PTN: variants seen among roughly 807,000 people sequenced by gnomAD.
PTN encodes pleiotrophin.
PTN carries 18 observed loss-of-function variants against 24.1 expected under a neutral mutation model. That is an observed-to-expected ratio of 0.75 (90% CI 0.52 to 1.11). The LOEUF (loss-of-function observed/expected upper bound fraction) is 1.11. Ranked by LOEUF, PTN falls within the 50% of genes least tolerant of loss-of-function variation. PTN has a pLI of 0.00. For missense variants in PTN, 163 were observed against 198.8 expected, an observed-to-expected ratio of 0.82 and a Z score of 1.08; for synonymous variants, 78 against 68.6, an observed-to-expected ratio of 1.14 and a Z score of -0.67.
intron 1 of PTN, among the ~76,000 whole-genome samples, chr7:137,298,361 G>A (rs1289151287): frequency 6.6e-6 from 1 of 151,816 alleles, no homozygotes; most frequent in Non-Finnish European, 1.5e-5. Flanking sequence ...ATATTAAACA[G>A]AAAAATGACT....
chr7:137,336,552 T>C (rs1349379241), intron 1 of PTN, among the ~76,000 whole-genome samples: 1 of 152,160 alleles, frequency 6.6e-6, no homozygotes, highest in African/African-American at 2.4e-5. Flanking sequence ...GCCTTGAGCA[T>C]GATCACATGC....
chr7:137,233,247 T>G (rs921782322), intron 4 of PTN, among the ~76,000 whole-genome samples: 4 of 151,994 alleles, frequency 2.6e-5, no homozygotes, highest in African/African-American at 7.2e-5. Flanking sequence ...AACTAAGCCC[T>G]AATCTAGAGA....
chr7:137,295,267 A>C (rs571092087), intron 1 of PTN, among the ~76,000 whole-genome samples: 1 of 152,334 alleles, frequency 6.6e-6, no homozygotes, highest in African/African-American at 2.4e-5. Context: ...CTTGAAGTAT[A>C]GTAGATATTA....
intron 1 of PTN, chr7:137,325,720 T>C (rs983323914): frequency 6.6e-6 from 1 of 152,232 alleles, no homozygotes; most frequent in East Asian, 1.9e-4. Flanking sequence ...AATGACTCCA[T>C]GTATGATTGG....
At chr7:137,322,382 G>C (rs909438794) in intron 1 of PTN, among the ~76,000 whole-genome samples, 22 of 152,152 alleles carry the variant, frequency 1.4e-4, no homozygotes, top group African/African-American at 4.6e-4. Context: ...TGACATATGA[G>C]TTCTGGAGTA....
chr7:137,239,604 T>C (rs980906023), intron 4 of PTN, among the ~76,000 whole-genome samples: 2 of 151,164 alleles, frequency 1.3e-5, no homozygotes, highest in Admixed American at 6.6e-5. Context: ...CCTGTGTCCA[T>C]GTGATCTCAT....
At chr7:137,256,024 A>G (rs1449019131) in intron 1 of PTN, among the ~76,000 whole-genome samples, 3 of 152,148 alleles carry the variant, frequency 2.0e-5, no homozygotes, top group Non-Finnish European at 4.4e-5. Flanking sequence ...CATTCTCTTT[A>G]GTGTGAACAA....
intron 1 of PTN, among the ~76,000 whole-genome samples, chr7:137,277,664 T>C (rs1809383361): frequency 6.6e-6 from 1 of 152,110 alleles, no homozygotes; most frequent in South Asian, 2.1e-4. Context: ...TAACCTCCCA[T>C]GTTCAAACAA....
chr7:137,280,691 T>TAACAAAAAAAAAAAAAAAA lies in PTN; in HGVS notation c.-1-25718_-1-25717insTTTTTTTTTTTTTTTTGTT, dbSNP rs760779128. Among the ~76,000 whole-genome samples, 28 of 14,748 alleles carry TAACAAAAAAAAAAAAAAAA rather than the reference T, an allele frequency of 1.9e-3. 1 individual carries two copies. Among genetic ancestry groups the TAACAAAAAAAAAAAAAAAA allele is most frequent in the South Asian group, 8.4e-3 (3 of 356 alleles). The allele number at this position is 14,748 out of a possible 152,430, so 9.7% of individuals were successfully genotyped here. A position where few individuals can be genotyped will look rare whatever the true frequency, so the allele number is the denominator to read the frequency against. ...CAACATGGCAAAACCCCGTCTCTAC[T>TAACAAAAAAAAAAAAAAAA]AAAAATACAAAAAAAAAAAAAAAAA... is the stretch of plus-strand genomic sequence containing the variant. On this transcript the variant is annotated intron_variant, in intron 1 of 4. Coordinates refer to ENST00000348225, the MANE Select transcript of PTN (RefSeq NM_002825.7).
chr7:137,263,241 CTT>C lies in PTN; in HGVS notation c.-1-8269_-1-8268del, dbSNP rs892348913. On this transcript the variant is annotated intron_variant, in intron 1 of 4. Coordinates refer to ENST00000348225, the MANE Select transcript of PTN (RefSeq NM_002825.7). ...TCTTATTATAAGAGTTTTAAATTTTCTTAGTGCTGGGAACCACCTTCTAAACA... is the reference window on the plus strand; with the variant it reads ...TCTTATTATAAGAGTTTTAAATTTTCAGTGCTGGGAACCACCTTCTAAACA... Among the ~76,000 whole-genome samples, 11 of 152,142 alleles carry C rather than the reference CTT, an allele frequency of 7.2e-5. No individual in the cohort carries two copies. The East Asian group carries it at 9.7e-4, about 13-fold the overall frequency.
chr7:137,289,549 T>C (rs192442850), intron 1 of PTN, among the ~76,000 whole-genome samples: 4 of 152,278 alleles, frequency 2.6e-5, no homozygotes, highest in African/African-American at 2.4e-5. Context: ...CATGAGGCCA[T>C]TAAATCTGAG....
At chr7:137,310,756 C>T (rs1430033377) in intron 1 of PTN, among the ~76,000 whole-genome samples, 3 of 152,210 alleles carry the variant, frequency 2.0e-5, no homozygotes, top group African/African-American at 4.8e-5. Context: ...TTAGTGTAGT[C>T]GCCTTTATCA....
At chr7:137,295,410 C>T (rs555438695) in intron 1 of PTN, among the ~76,000 whole-genome samples, 15 of 152,132 alleles carry the variant, frequency 9.9e-5, no homozygotes, top group African/African-American at 2.9e-4. Context: ...GAGTACGTTA[C>T]CAATTGCTGC....
rs186082292 is a variant in PTN at position 137,257,416 on chromosome 7, G to T, written c.-1-2442C>A. On this transcript the variant is annotated intron_variant, in intron 1 of 4. Transcript: ENST00000348225. ...GCTTTTCCTGCGCTTTTAATTGGGT[G>T]TGAATGGTAAAAGAAGCCAGTCTAG... 3.3e-5 allele frequency among the ~76,000 whole-genome samples: 5 copies of T among 152,330 alleles called. No individual in the cohort carries two copies. The East Asian group carries it at 9.6e-4, about 29-fold the overall frequency.
At chr7:137,304,468 G>T (rs1211995679) in intron 1 of PTN, among the ~76,000 whole-genome samples, 1 of 151,726 alleles carries the variant, frequency 6.6e-6, no homozygotes, top group Non-Finnish European at 1.5e-5. Flanking sequence ...AAAAGAGAGA[G>T]AAAAAGATGA....
intron 1 of PTN, among the ~76,000 whole-genome samples, chr7:137,282,742 G>C (rs900764862): frequency 6.6e-6 from 1 of 152,166 alleles, no homozygotes. Flanking sequence ...CTTTAGATTA[G>C]ATTTTCTCTC....
intron 1 of PTN, among the ~76,000 whole-genome samples, chr7:137,293,561 T>C (rs1457665555): frequency 6.6e-6 from 1 of 152,142 alleles, no homozygotes; most frequent in Non-Finnish European, 1.5e-5. Context: ...TGGATGATTC[T>C]ACCATACTCA....
chr7:137,235,911 G>A (rs1284314622), intron 4 of PTN, among the ~76,000 whole-genome samples: 1 of 152,040 alleles, frequency 6.6e-6, no homozygotes, highest in Non-Finnish European at 1.5e-5. Flanking sequence ...TCTAGATGCA[G>A]ACTAAACACA....
intron 4 of PTN, among the ~76,000 whole-genome samples, chr7:137,232,444 G>T (rs942266716): frequency 2.6e-5 from 4 of 151,842 alleles, no homozygotes; most frequent in South Asian, 2.1e-4. Flanking sequence ...GTGTATTTTT[G>T]TAACTTTGTG....
Sources: gnomAD v4.1 joint callset for allele counts (sites outside exome capture counted in the v4.1 genomes callset) on GRCh38, gnomAD v4.1.1 for gene constraint, MANE v1.5 for transcripts, NCBI Gene and HGNC (gene_info 2026-07-23, HGNC 2026-07-21) for gene names.